The following ISY1 variants were observed in gnomAD, a reference collection of about 807,000 sequenced individuals.
ISY1 encodes the protein pre-mRNA-splicing factor ISY1 homolog.
Under a neutral mutation model 54.4 loss-of-function variants are expected in ISY1, and 12 were observed. The observed-to-expected ratio is 0.22, with a 90% CI of 0.14 to 0.36. The LOEUF (loss-of-function observed/expected upper bound fraction) is 0.36, where lower values mean the gene tolerates loss of function less well. Among genes scored for constraint, ISY1 ranks in the 10% least tolerant of loss-of-function variants. The pLI is 1.00. For synonymous variants in ISY1, 96 were observed against 117.9 expected (o/e 0.81, Z 1.20); for missense variants, 282 against 342.2 (o/e 0.82, Z 1.39).
intron 3 of ISY1, 124 bp downstream of exon 3, chr3:129,158,384 C>T: frequency 7.3e-7 from 1 of 1,361,988 alleles, no homozygotes; most frequent in Non-Finnish European, 1.0e-6. Flanking sequence ...GTCTCAAACT[C>T]CTAGACTCAA....
chr3:129,149,679 T>TC (rs796781758), intron 5 of ISY1, among the ~76,000 whole-genome samples: 5 of 130,248 alleles, frequency 3.8e-5, no homozygotes, highest in African/African-American at 1.4e-4. Flanking sequence ...ACACTTGTAG[T>TC]CCCAGCTACT....
At chr3:129,157,006 A>C in intron 3 of ISY1, 86 bp from the exon 4 acceptor site, 2 of 1,459,198 alleles carry the variant, frequency 1.4e-6, no homozygotes, top group Non-Finnish European at 1.9e-6. Flanking sequence ...TTAAGCCTAA[A>C]TCATCTAATG....
intron 2 of ISY1, 141 bp downstream of exon 2, chr3:129,159,013 C>T (rs1937225743): frequency 2.7e-6 from 3 of 1,110,166 alleles, no homozygotes; most frequent in East Asian, 2.5e-5. Context: ...AATGTTTTTG[C>T]ATATGTAAGA....
At chr3:129,152,536 T>A (rs1937006979) in intron 5 of ISY1, among the ~76,000 whole-genome samples, 1 of 152,120 alleles carries the variant, frequency 6.6e-6, no homozygotes, top group African/African-American at 2.4e-5. Flanking sequence ...CCCAGGAAGC[T>A]GGGACTACAG....
chr3:129,158,364 G>T, intron 3 of ISY1, 144 bp downstream of exon 3: 2 of 1,109,180 alleles, frequency 1.8e-6, no homozygotes, highest in Non-Finnish European at 2.6e-6. Context: ...TTGCCATGTT[G>T]CCCAGACTGG....
intron 4 of ISY1, 84 bp downstream of exon 4, chr3:129,156,771 C>T: frequency 6.4e-7 from 1 of 1,568,832 alleles, no homozygotes. Flanking sequence ...AATACTTAGA[C>T]TTTTGGTCTA....
At chr3:129,157,100 A>G (rs1334434733) in intron 3 of ISY1, among the ~76,000 whole-genome samples, 180 bp from the exon 4 acceptor site, 1 of 152,206 alleles carries the variant, frequency 6.6e-6, no homozygotes, top group Non-Finnish European at 1.5e-5. Context: ...TAGGAAAAAC[A>G]TTGATTGCAT....
At position 129,158,420 on chromosome 3, in the gene ISY1, A is replaced by C. The variant is rs976716951; in HGVS notation, c.78+88T>G. 2.5e-6 allele frequency: 4 copies of C among 1,581,022 alleles called. No homozygotes were observed. In the African/African-American group the frequency reaches 5.4e-5, roughly 21 times the overall value. ...GTGATCCACCCACCTCAGCCTCCCC[A>C]AGTATTGGGATTACAGGCATGAGCC... On this transcript the variant is annotated intron_variant, in intron 3 of 10. Transcript: ENST00000393295.
rs1010545736 is a variant in ISY1, at chr3:129,161,008, C to T, written c.-33G>A. ...CTAAGGGCGCCGTCCTGGAGCCCCG[C>T]GGCCCCTGTCCAAGAAACTCCACAG... On this transcript the variant is annotated 5_prime_UTR_variant, in exon 1 of 11. Transcript: ENST00000393295. 6 of 1,543,390 alleles carry T rather than the reference C, an allele frequency of 3.9e-6. No individual in the cohort carries two copies. In the Admixed American group the frequency reaches 7.9e-5, roughly 20 times the overall value.
chr3:129,147,987 C>T (rs1432118214), intron 5 of ISY1, among the ~76,000 whole-genome samples: 1 of 151,274 alleles, frequency 6.6e-6, no homozygotes, highest in Non-Finnish European at 1.5e-5. Context: ...ATTTTATTTA[C>T]TTTAATTATT....
chr3:129,147,358 C>T (rs927488366), intron 5 of ISY1, among the ~76,000 whole-genome samples: 11 of 152,066 alleles, frequency 7.2e-5, no homozygotes, highest in Admixed American at 1.3e-4. Flanking sequence ...GCCTGGGTGA[C>T]AGGGCAAGAC....
At position 129,134,927 on chromosome 3, in the gene ISY1, G is replaced by C. The variant is rs1169333265; in HGVS notation, c.446C>G (p.Ala149Gly). ...EPLPPPRKTR[A>G]ELMKAIDFEY... ...AAAATCGATTGCCTTCATGAGCTCA[G>C]CACGTGTCTTTCTGGGAGGAGGAAG... Residue 149 changes from alanine (A) to glycine (G), a missense_variant, in exon 8 of 11, where the codon GCT becomes GGT. Ala to Gly is a moderately conservative substitution (Grantham distance 60, BLOSUM62 0). Around this residue, in one of 2 missense-constraint regions of ISY1, gnomAD observed 279 missense variants for 323.6 expected, o/e 0.86. Coordinates refer to ENST00000393295, the MANE Select transcript of ISY1 (RefSeq NM_020701.4). 1 of 1,610,198 alleles carries C rather than the reference G, an allele frequency of 6.2e-7. No homozygotes were observed. Among genetic ancestry groups the C allele is most frequent in the African/African-American group, 1.3e-5 (1 of 74,810 alleles).
intron 9 of ISY1, among the ~76,000 whole-genome samples, chr3:129,133,050 G>A (rs1330079018): frequency 6.6e-6 from 1 of 152,166 alleles, no homozygotes; most frequent in Admixed American, 6.5e-5. Context: ...GACCTGTGCA[G>A]GCAGCAAGGA....
intron 5 of ISY1, among the ~76,000 whole-genome samples, chr3:129,147,116 T>C (rs1936787790): frequency 6.7e-6 from 1 of 149,918 alleles, no homozygotes; most frequent in African/African-American, 2.5e-5. Flanking sequence ...GGCTCACACC[T>C]GTAATCCCAG....
Position 129,129,912 on chromosome 3 carries a change from AG to A in ISY1, c.*168del. ...GCAAAATATGTGTACAAAACCTACC[AG>A]GAAGACCAGGGACAGACCCCTACCC... On this transcript the variant is annotated 3_prime_UTR_variant, in exon 11 of 11. Coordinates refer to ENST00000393295, the MANE Select transcript of ISY1 (RefSeq NM_020701.4). The A allele has an allele frequency of 2.0e-6, 1 of 507,176 alleles. No homozygotes were observed. Among genetic ancestry groups the A allele is most frequent in the Non-Finnish European group, 3.4e-6 (1 of 290,088 alleles). The allele number at this position is 507,176 out of a possible 1,614,324, so 31.4% of individuals were successfully genotyped here. A position where few individuals can be genotyped will look rare whatever the true frequency, so the allele number is the denominator to read the frequency against.
intron 2 of ISY1, 67 bp from the exon 3 acceptor site, chr3:129,158,626 G>A: frequency 6.3e-7 from 1 of 1,598,616 alleles, no homozygotes; most frequent in Non-Finnish European, 8.6e-7. Context: ...CATTACCCAT[G>A]TTCCTGTATG....
At chr3:129,144,369 G>C (rs1936712429) in intron 6 of ISY1, among the ~76,000 whole-genome samples, 1 of 152,188 alleles carries the variant, frequency 6.6e-6, no homozygotes, top group African/African-American at 2.4e-5. Context: ...CAGTGGGAAG[G>C]CTGAATACTC....
intron 7 of ISY1, among the ~76,000 whole-genome samples, chr3:129,138,485 A>T (rs556591258): frequency 1.1e-4 from 16 of 151,982 alleles, no homozygotes; most frequent in South Asian, 4.2e-4. Context: ...AATACAAAAA[A>T]AAAATAAAAT....
At chr3:129,147,114 C>T (rs1194555148) in intron 5 of ISY1, among the ~76,000 whole-genome samples, 2 of 150,932 alleles carry the variant, frequency 1.3e-5, no homozygotes, top group Non-Finnish European at 1.5e-5. Context: ...GTGGCTCACA[C>T]CTGTAATCCC....
Sources: allele counts gnomAD v4.1 joint callset (sites outside exome capture counted in the v4.1 genomes callset), GRCh38; gene constraint gnomAD v4.1.1; regional missense constraint gnomAD v4.1.1; transcripts MANE v1.5; gene names NCBI Gene and HGNC (gene_info 2026-07-23, HGNC 2026-07-21).